AHCYL1: variants seen among roughly 807,000 people sequenced by gnomAD.
AHCYL1 encodes S-adenosylhomocysteine hydrolase-like protein 1.
Under a neutral mutation model 79.3 loss-of-function variants are expected in AHCYL1, and 20 were observed. The observed-to-expected ratio is 0.25, with a 90% CI of 0.18 to 0.37. AHCYL1 has a LOEUF of 0.37. Ranked by LOEUF, AHCYL1 falls within the 10% of genes least tolerant of loss-of-function variation. The probability of loss-of-function intolerance (pLI) is 1.00; values close to 1 mark genes in which losing one functional copy is unlikely to be tolerated. For synonymous variants in AHCYL1, 223 were observed against 242.2 expected (o/e 0.92, Z 0.74); for missense variants, 330 against 673.6 (o/e 0.49, Z 5.65).
chr1:110,016,424 A>G lies in AHCYL1; in HGVS notation c.863A>G (p.Asp288Gly), dbSNP rs567763788. The change falls in exon 8 of 17, where the codon GAT becomes GGT. Residue 288 changes from aspartate to glycine, a missense_variant. Asp to Gly is a moderately conservative substitution (Grantham distance 94). Around this residue, in one of 6 missense-constraint regions of AHCYL1, gnomAD observed 6 missense variants for 62.8 expected, o/e 0.10. Coordinates refer to ENST00000369799, the MANE Select transcript of AHCYL1 (RefSeq NM_006621.7). ...VNDSVTKQKFDNLYCCRESIL... is the reference protein window; with the variant it reads ...VNDSVTKQKFGNLYCCRESIL... The stretch of plus-strand genomic sequence containing the variant: ...GATTCTGTTACCAAACAGAAGTTTG[A>G]TAACTTGTACTGCTGCCGAGAATCC... The G allele has an allele frequency of 6.2e-7, 1 of 1,614,138 alleles. No individual in the cohort carries two copies. Among genetic ancestry groups the G allele is most frequent in the Admixed American group, 1.7e-5 (1 of 60,022 alleles).
In AHCYL1 at chr1:110,016,472, GTA is replaced by G; in HGVS notation, c.899+20_899+21del. 5.6e-6 allele frequency: 9 copies of G among 1,599,858 alleles called. No individual in the cohort carries two copies. Among genetic ancestry groups the G allele is most frequent in the Non-Finnish European group, 7.7e-6 (9 of 1,168,156 alleles). ...TCCATTTTGGATGGGTAGGTTGAAT[GTA>G]TATATATTCAAACTTCTAGGGGCTC... On this transcript the variant is annotated intron_variant, in intron 8 of 16. Transcript: ENST00000369799.
At chr1:110,019,233 T>C in intron 14 of AHCYL1, 114 bp downstream of exon 14, 1 of 1,110,278 alleles carries the variant, frequency 9.0e-7, no homozygotes, top group Non-Finnish European at 1.3e-6. Context: ...TTTTTTGATG[T>C]AATAAATTGT....
At chr1:110,018,867 C>A in intron 13 of AHCYL1, 184 bp from the exon 14 acceptor site, 1 of 724,646 alleles carries the variant, frequency 1.4e-6, no homozygotes, top group Non-Finnish European at 2.3e-6. Flanking sequence ...GATTCTTTAA[C>A]CTTTCAGACT....
chr1:110,013,383 C>G (rs964045728), intron 5 of AHCYL1, among the ~76,000 whole-genome samples: 6 of 152,142 alleles, frequency 3.9e-5, no homozygotes, highest in Non-Finnish European at 1.5e-5. Flanking sequence ...AATATATGAG[C>G]TATTTGTGAG....
intron 1 of AHCYL1, among the ~76,000 whole-genome samples, chr1:109,994,037 G>C (rs1649895612): frequency 6.6e-6 from 1 of 152,180 alleles, no homozygotes; most frequent in South Asian, 2.1e-4. Flanking sequence ...TGCCCCTTCT[G>C]AGTCAAAGGC....
At chr1:109,993,702 C>T (rs1649881496) in intron 1 of AHCYL1, among the ~76,000 whole-genome samples, 1 of 152,154 alleles carries the variant, frequency 6.6e-6, no homozygotes, top group African/African-American at 2.4e-5. Context: ...TATATGCCTC[C>T]AGCTTCTTAG....
chr1:110,014,965 C>A, intron 6 of AHCYL1, 108 bp downstream of exon 6: 2 of 1,028,180 alleles, frequency 1.9e-6, no homozygotes, highest in Non-Finnish European at 3.0e-6. Context: ...TATGCACTGA[C>A]TTTGTTGCTA....
Position 110,022,003 on chromosome 1 carries a change from A to T in AHCYL1, c.*323A>T, listed in dbSNP as rs900020203. On this transcript the variant is annotated 3_prime_UTR_variant, in exon 17 of 17. Transcript: ENST00000369799. ...GGTACCTTATTAACAGGAAATGCTAAGGTACCTTCTCTGTGGAACAATCTG... is the reference window on the plus strand; with the variant it reads ...GGTACCTTATTAACAGGAAATGCTATGGTACCTTCTCTGTGGAACAATCTG... 1.8e-5 allele frequency: 5 copies of T among 284,252 alleles called. No individual in the cohort carries two copies. Among genetic ancestry groups the T allele is most frequent in the Non-Finnish European group, 2.6e-5 (4 of 153,152 alleles). 17.6% of individuals were successfully genotyped at this position (284,252 alleles called of 1,614,324 possible).
chr1:110,001,997 C>T (rs1031097997), intron 1 of AHCYL1, among the ~76,000 whole-genome samples: 1 of 151,980 alleles, frequency 6.6e-6, no homozygotes, highest in African/African-American at 2.4e-5. Flanking sequence ...AATTTTGGTG[C>T]GTAATAACAT....
intron 2 of AHCYL1, among the ~76,000 whole-genome samples, chr1:110,009,366 G>A (rs1650872881): frequency 1.3e-5 from 2 of 152,196 alleles, no homozygotes; most frequent in African/African-American, 4.8e-5. Flanking sequence ...TGTGTGTGTG[G>A]TCTGTGGCCA....
intron 8 of AHCYL1, 34 bp downstream of exon 8, chr1:110,016,494 G>C (rs775614920): frequency 6.3e-6 from 10 of 1,588,444 alleles, no homozygotes; most frequent in Middle Eastern, 1.7e-4. Flanking sequence ...AAACTTCTAG[G>C]GGCTCTGGTC....
At chr1:110,012,847 C>A in intron 4 of AHCYL1, 50 bp from the exon 5 acceptor site, 3 of 1,448,428 alleles carry the variant, frequency 2.1e-6, no homozygotes, top group Non-Finnish European at 2.9e-6. Context: ...GCTCTCCATT[C>A]CTGGGTGGCC....
intron 5 of AHCYL1, among the ~76,000 whole-genome samples, chr1:110,014,275 T>G (rs975562718): frequency 5.6e-4 from 86 of 152,364 alleles, no homozygotes; most frequent in African/African-American, 2.0e-3. Flanking sequence ...TTTCTTCTAC[T>G]TTACATAAAT....
chr1:109,988,921 T>C (rs566104946), intron 1 of AHCYL1, among the ~76,000 whole-genome samples: 1 of 152,368 alleles, frequency 6.6e-6, no homozygotes, highest in East Asian at 1.9e-4. Context: ...AGGTTTCTCC[T>C]TTTGTCATCA....
At chr1:109,985,299 G>T (rs1476317940) in intron 1 of AHCYL1, 127 bp downstream of exon 1, 8 of 1,409,212 alleles carry the variant, frequency 5.7e-6, no homozygotes, top group South Asian at 1.5e-5. Context: ...TGATGTAGGG[G>T]GTGGCGGCTG....
intron 5 of AHCYL1, among the ~76,000 whole-genome samples, chr1:110,014,279 C>T (rs1435108854): frequency 6.6e-6 from 1 of 152,168 alleles, no homozygotes; most frequent in African/African-American, 2.4e-5. Context: ...TTCTACTTTA[C>T]ATAAATTCTA....
intron 15 of AHCYL1, 87 bp downstream of exon 15, chr1:110,019,713 A>G: frequency 7.7e-7 from 1 of 1,303,502 alleles, no homozygotes; most frequent in Non-Finnish European, 1.1e-6. Context: ...TTAGAGTCAG[A>G]GTTCCAATTC....
chr1:110,006,493 C>T (rs1650664909), intron 1 of AHCYL1, among the ~76,000 whole-genome samples: 1 of 152,112 alleles, frequency 6.6e-6, no homozygotes, highest in African/African-American at 2.4e-5. Flanking sequence ...TCATATTTGC[C>T]TTAAATGAGT....
At chr1:109,991,326 C>T (rs1023646679) in intron 1 of AHCYL1, among the ~76,000 whole-genome samples, 2 of 152,202 alleles carry the variant, frequency 1.3e-5, no homozygotes, top group Non-Finnish European at 2.9e-5. Context: ...GTACAAGACT[C>T]TCCAAGCATG....
Sources: gnomAD v4.1 joint callset for allele counts (sites outside exome capture counted in the v4.1 genomes callset) on GRCh38, gnomAD v4.1.1 for gene constraint, gnomAD v4.1.1 regional missense constraint, MANE v1.5 for transcripts, NCBI Gene and HGNC (gene_info 2026-07-23, HGNC 2026-07-21) for gene names.